ZNF697: variants seen among roughly 807,000 people sequenced by gnomAD.
ZNF697 encodes the protein zinc finger protein 697.
In ZNF697, 23 loss-of-function variants were observed where a neutral mutation model predicts 32.4. That is an observed-to-expected ratio of 0.71 (90% CI 0.51 to 1.01). ZNF697 has a LOEUF of 1.01. Among genes scored for constraint, ZNF697 ranks in the 50% least tolerant of loss-of-function variants. The pLI is 0.00. For missense variants in ZNF697, 930 were observed against 794.0 expected, an observed-to-expected ratio of 1.17 and a Z score of -2.06; for synonymous variants, 418 against 337.2, an observed-to-expected ratio of 1.24 and a Z score of -2.62.
At chr1:119,632,131 G>T (rs1357708796) in intron 1 of ZNF697, among the ~76,000 whole-genome samples, 1 of 152,166 alleles carries the variant, frequency 6.6e-6, no homozygotes, top group Non-Finnish European at 1.5e-5. Context: ...CCTCCTCACT[G>T]CTAAGTTTAT....
chr1:119,622,716 G>C lies in ZNF697; in HGVS notation c.1627C>G (p.His543Asp). The change falls in exon 3 of 3, where the codon CAC (histidine) becomes GAC (aspartate). Residue 543 changes from histidine to aspartate, a missense_variant. By Grantham distance (81) the His-to-Asp change is moderately conservative. Transcript: ENST00000421812. ...CGCGGACCCAGCCCCTAACACAGGTGCAGCTTCTGGTGCTGCGCGAGGTGC... is the reference window on the plus strand; with the variant it reads ...CGCGGACCCAGCCCCTAACACAGGTCCAGCTTCTGGTGCTGCGCGAGGTGC... Reference protein sequence around the residue: ...KTHLAQHQKLHLC With the variant: ...KTHLAQHQKLDLC The C allele has an allele frequency of 6.5e-7, 1 of 1,534,570 alleles. No homozygotes were observed. The highest frequency in any genetic ancestry group is 1.2e-5 in the South Asian group (1 of 81,174).
In ZNF697 at chr1:119,623,111, C is replaced by A; in HGVS notation, c.1232G>T (p.Cys411Phe). 6.3e-7 allele frequency: 1 copy of A among 1,590,880 alleles called. No individual in the cohort carries two copies. The highest frequency in any genetic ancestry group is 8.6e-7 in the Non-Finnish European group (1 of 1,168,952). Reference sequence around the variant, plus strand: ...GCTGAAGGTCTCGCCGCACTCGGAGCACATGTAGGGCTTCTCGCCCGTGTG... The same window carrying A: ...GCTGAAGGTCTCGCCGCACTCGGAGAACATGTAGGGCTTCTCGCCCGTGTG... ...RVHTGEKPYMCSECGETFSVS... is the reference protein window; with the variant it reads ...RVHTGEKPYMFSECGETFSVS... The change falls in exon 3 of 3, where the codon TGC becomes TTC. Residue 411 changes from cysteine (C) to phenylalanine (F), a missense_variant. Transcript: ENST00000421812.
chr1:119,642,322 T>C (rs1033007963), intron 1 of ZNF697, among the ~76,000 whole-genome samples: 1 of 152,170 alleles, frequency 6.6e-6, no homozygotes, highest in Non-Finnish European at 1.5e-5. Flanking sequence ...GTCAAAACCA[T>C]AGAATGTACA....
At chr1:119,624,961 C>A (rs587608239) in intron 2 of ZNF697, among the ~76,000 whole-genome samples, 2 of 123,800 alleles carry the variant, frequency 1.6e-5, no homozygotes, top group African/African-American at 6.3e-5. Flanking sequence ...ACTGAACTCA[C>A]CTTCAGGACT....
chr1:119,634,660 GA>G (rs1648873028), intron 1 of ZNF697, among the ~76,000 whole-genome samples: 1 of 152,192 alleles, frequency 6.6e-6, no homozygotes, highest in Admixed American at 6.5e-5. Flanking sequence ...TAACACACAT[GA>G]TCCACTTTCT....
intron 1 of ZNF697, among the ~76,000 whole-genome samples, chr1:119,630,461 G>A (rs1648728869): frequency 6.6e-6 from 1 of 152,140 alleles, no homozygotes; most frequent in South Asian, 2.1e-4. Flanking sequence ...TCAAATCCTG[G>A]TTTCTAGAAC....
rs1648445813 is a variant in ZNF697, at chr1:119,623,584, GGCCAGCGGGGGCCCGGCCCCGAA to G, written c.736_758del (p.Phe246ProfsTer181). 6.9e-7 allele frequency: 1 copy of G among 1,439,812 alleles called. No individual in the cohort carries two copies. Among genetic ancestry groups the G allele is most frequent in the Non-Finnish European group, 9.0e-7 (1 of 1,109,118 alleles). The allele number at this position is 1,439,812 out of a possible 1,614,324, so 89.2% of individuals were successfully genotyped here. On this transcript the variant is annotated frameshift_variant, in exon 3 of 3. Transcript: ENST00000421812. LOFTEE classifies it high-confidence loss of function. ...GGAAGGGCTTTTCGCGCGGGGGCCG[GGCCAGCGGGGGCCCGGCCCCGAA>G]GCCCCCCGCCACACCCACCCCCATC... is the stretch of plus-strand genomic sequence containing the variant.
At chr1:119,633,395 TAG>T (rs1212878397) in intron 1 of ZNF697, among the ~76,000 whole-genome samples, 135 of 143,132 alleles carry the variant, frequency 9.4e-4, no homozygotes, top group South Asian at 1.3e-3. Context: ...TGTGTGTGTA[TAG>T]AGAGAGAGAG....
chr1:119,643,353 A>G (rs755759527), intron 1 of ZNF697, among the ~76,000 whole-genome samples: 5 of 152,140 alleles, frequency 3.3e-5, no homozygotes, highest in Non-Finnish European at 7.4e-5. Flanking sequence ...CTCCTTTAAC[A>G]TGACTAATGT....
intron 1 of ZNF697, among the ~76,000 whole-genome samples, chr1:119,642,788 C>T (rs935817576): frequency 5.3e-5 from 8 of 152,164 alleles, no homozygotes; most frequent in African/African-American, 1.9e-4. Flanking sequence ...TCTATTCTAC[C>T]TTCTATTTCT....
chr1:119,632,406 C>T (rs761127556), intron 1 of ZNF697, among the ~76,000 whole-genome samples: 1 of 152,196 alleles, frequency 6.6e-6, no homozygotes, highest in Non-Finnish European at 1.5e-5. Flanking sequence ...AAGTGTTGCC[C>T]GCTCTCCAGA....
intron 1 of ZNF697, among the ~76,000 whole-genome samples, chr1:119,646,704 C>T (rs1649214287): frequency 6.6e-6 from 1 of 152,144 alleles, no homozygotes; most frequent in Admixed American, 6.5e-5. Flanking sequence ...CACATGTTGG[C>T]TTGTTGAGAG....
chr1:119,638,698 G>C (rs1464536252), intron 1 of ZNF697, among the ~76,000 whole-genome samples: 1 of 151,962 alleles, frequency 6.6e-6, no homozygotes, highest in African/African-American at 2.4e-5. Context: ...TCTATCCAAA[G>C]ACCTCACAAA....
At chr1:119,636,649 C>T (rs912317872) in intron 1 of ZNF697, among the ~76,000 whole-genome samples, 1 of 152,130 alleles carries the variant, frequency 6.6e-6, no homozygotes, top group Non-Finnish European at 1.5e-5. Flanking sequence ...CACCTAACAC[C>T]CTATTTTACA....
rs869100472 is a variant in ZNF697, at chr1:119,620,018, AAAC to A, written c.*2684_*2686del. The A allele has an allele frequency of 2.7e-4, 5 of 18,536 alleles. No individual in the cohort carries two copies. The African/African-American group carries it at 3.5e-3, about 13-fold the overall frequency. 1.1% of individuals were successfully genotyped at this position (18,536 alleles called of 1,614,324 possible). ...TATTCTAAAACTAGATAGAAGAAAC[AAAC>A]AACCTCCTGAATGCATTTAACCTCA... On this transcript the variant is annotated 3_prime_UTR_variant, in exon 3 of 3. Transcript: ENST00000421812.
rs1475871212 is a variant in ZNF697 at position 119,625,893 on chromosome 1, C to G, written c.208G>C (p.Val70Leu). 6.2e-7 allele frequency: 1 copy of G among 1,613,700 alleles called. No homozygotes were observed. Among genetic ancestry groups the G allele is most frequent in the East Asian group, 2.2e-5 (1 of 44,868 alleles). The change falls in exon 2 of 3, where the codon GTG (valine) becomes CTG (leucine). Residue 70 changes from valine to leucine, a missense_variant. Physicochemically the swap from Val to Leu is conservative, Grantham distance 32. Transcript: ENST00000421812. ...TCCTCACCTGTGCAGATGTCGGGCA[C>G]TGCTTCCCTGTGCCTTGAGTCCTGT... ...NPQDSRHREA[V>L]PDICTEGQLS... is the part of the protein sequence containing the mutation.
At chr1:119,643,466 G>A (rs1299135674) in intron 1 of ZNF697, among the ~76,000 whole-genome samples, 1 of 152,222 alleles carries the variant, frequency 6.6e-6, no homozygotes, top group African/African-American at 2.4e-5. Context: ...CTAAGGAAAT[G>A]TGTTCAATCT....
In ZNF697 at chr1:119,647,037, G is replaced by A. The variant is rs77581672; in HGVS notation, c.-38+654C>T. Among the ~76,000 whole-genome samples the A allele has an allele frequency of 7.1e-4, 107 of 151,578 alleles. No individual in the cohort carries two copies. In the East Asian group the frequency reaches 0.019, roughly 27 times the overall value. ...ACATCACCAACTTCAATTCAGCCCA[G>A]GGTTCATGTAGTAAGGGGTGGGTGA... is the stretch of plus-strand genomic sequence containing the variant. On this transcript the variant is annotated intron_variant, in intron 1 of 2. Coordinates refer to ENST00000421812, the MANE Select transcript of ZNF697 (RefSeq NM_001080470.2).
At position 119,622,521 on chromosome 1, in the gene ZNF697, A is replaced by G. The variant is rs1302665403; in HGVS notation, c.*184T>C. On this transcript the variant is annotated 3_prime_UTR_variant, in exon 3 of 3. Coordinates refer to ENST00000421812, the MANE Select transcript of ZNF697 (RefSeq NM_001080470.2). ...TCTTCCGTGGAGAGGAGGCAAGTAT[A>G]GCACCGGGAAAGACCAACTTACTCA... 11 of 1,138,234 alleles carry G rather than the reference A, an allele frequency of 9.7e-6. No individual in the cohort carries two copies. The East Asian group carries it at 2.4e-4, about 25-fold the overall frequency. The allele number at this position is 1,138,234 out of a possible 1,614,324, so 70.5% of individuals were successfully genotyped here. A position where few individuals can be genotyped will look rare whatever the true frequency, so the allele number is the denominator to read the frequency against.
Sources: allele counts gnomAD v4.1 joint callset (sites outside exome capture counted in the v4.1 genomes callset), GRCh38; gene constraint gnomAD v4.1.1; transcripts MANE v1.5; gene names NCBI Gene and HGNC (gene_info 2026-07-23, HGNC 2026-07-21).